The following SRPK2 variants were observed in gnomAD, a reference collection of about 807,000 sequenced individuals.
SRPK2 encodes SFRS protein kinase 2.
In SRPK2, 21 loss-of-function variants were observed where a neutral mutation model predicts 90.8. The ratio of observed to expected loss-of-function variants is 0.23; its 90% CI spans 0.16 to 0.33. SRPK2 has a LOEUF of 0.33. Among genes scored for constraint, SRPK2 ranks in the 10% least tolerant of loss-of-function variants. The pLI is 1.00. For synonymous variants in SRPK2, 288 were observed against 311.1 expected (o/e 0.93, Z 0.78); for missense variants, 620 against 869.0 (o/e 0.71, Z 3.60).
At chr7:105,191,208 G>A (rs12535043) in intron 3 of SRPK2, among the ~76,000 whole-genome samples, 4 of 151,926 alleles carry the variant, frequency 2.6e-5, no homozygotes, top group African/African-American at 4.8e-5. Flanking sequence ...ATAGCCAAAC[G>A]ATATCCAATG....
At chr7:105,139,589 A>G (rs971825316) in intron 11 of SRPK2, among the ~76,000 whole-genome samples, 3 of 152,222 alleles carry the variant, frequency 2.0e-5, no homozygotes, top group Non-Finnish European at 4.4e-5. Flanking sequence ...AAACAATAGG[A>G]TAAGTCTTAT....
chr7:105,234,123 CCTTT>C (rs1303992416), intron 2 of SRPK2, among the ~76,000 whole-genome samples: 3 of 151,912 alleles, frequency 2.0e-5, no homozygotes, highest in Non-Finnish European at 4.4e-5. Flanking sequence ...ATTAAGAACA[CCTTT>C]GCTGCACCAG....
At chr7:105,299,391 C>T (rs1486609062) in intron 2 of SRPK2, among the ~76,000 whole-genome samples, 1 of 152,176 alleles carries the variant, frequency 6.6e-6, no homozygotes, top group Non-Finnish European at 1.5e-5. Flanking sequence ...TTTATCTTCT[C>T]ATTTTTTAAG....
chr7:105,122,935 A>C (rs1800617603), intron 15 of SRPK2, among the ~76,000 whole-genome samples: 3 of 151,840 alleles, frequency 2.0e-5, no homozygotes, highest in Non-Finnish European at 4.4e-5. Flanking sequence ...CCACGCAGCA[A>C]TTTTTACTAA....
chr7:105,206,028 T>C (rs1399951310), intron 2 of SRPK2: 3 of 518,388 alleles, frequency 5.8e-6, no homozygotes, highest in Non-Finnish European at 1.2e-5. Context: ...ACTACTGTAC[T>C]TAGCACAATG....
chr7:105,224,127 C>T (rs778205653), intron 2 of SRPK2, among the ~76,000 whole-genome samples: 26 of 152,068 alleles, frequency 1.7e-4, no homozygotes, highest in Non-Finnish European at 2.6e-4. Context: ...GATTTTTAAA[C>T]GACATCTGTA....
chr7:105,270,556 C>T lies in SRPK2; in HGVS notation c.72-66771G>A, dbSNP rs544239445. ...CCGGGTAGCTGGGATTACAGGCGCC[C>T]GCCACCATACCCAGCTAATTTTTTG... On this transcript the variant is annotated intron_variant, in intron 2 of 15. Coordinates refer to ENST00000393651, the MANE Select transcript of SRPK2 (RefSeq NM_182692.3). Among the ~76,000 whole-genome samples the T allele has an allele frequency of 1.4e-4, 21 of 152,086 alleles. No individual in the cohort carries two copies. The South Asian group carries it at 3.9e-3, about 29-fold the overall frequency.
chr7:105,366,951 A>G (rs1258984687), intron 2 of SRPK2, among the ~76,000 whole-genome samples: 2 of 152,194 alleles, frequency 1.3e-5, no homozygotes, highest in African/African-American at 2.4e-5. Flanking sequence ...TCCTGGGAGC[A>G]CTTCCAGTAT....
At chr7:105,350,468 T>C (rs1585834255) in intron 2 of SRPK2, among the ~76,000 whole-genome samples, 1 of 151,254 alleles carries the variant, frequency 6.6e-6, no homozygotes, top group Non-Finnish European at 1.5e-5. Flanking sequence ...TTATGCTAAA[T>C]ATATCAGCTG....
At chr7:105,296,792 T>G (rs147978567) in intron 2 of SRPK2, among the ~76,000 whole-genome samples, 264 of 152,318 alleles carry the variant, frequency 1.7e-3, no homozygotes, top group African/African-American at 5.8e-3. Flanking sequence ...ACTTATTAGC[T>G]CATTTAATCC....
rs1372414999 is a variant in SRPK2, at chr7:105,244,793, T to C, written c.72-41008A>G. Reference sequence around the variant, plus strand: ...TGTGCGGGACATGATCCCGGAGGCATGTGGCTTCGCCCCGTACAAGCAGCA... The same window carrying C: ...TGTGCGGGACATGATCCCGGAGGCACGTGGCTTCGCCCCGTACAAGCAGCA... On this transcript the variant is annotated intron_variant, in intron 2 of 15. Transcript: ENST00000393651. 6.2e-6 allele frequency: 6 copies of C among 971,952 alleles called. No homozygotes were observed. The East Asian group carries it at 1.2e-4, about 19-fold the overall frequency. 60.2% of individuals were successfully genotyped at this position (971,952 alleles called of 1,614,324 possible).
chr7:105,213,853 T>C (rs569871225), intron 2 of SRPK2, among the ~76,000 whole-genome samples: 5 of 152,180 alleles, frequency 3.3e-5, no homozygotes, highest in Middle Eastern at 3.2e-3. Context: ...TAATGTAAGA[T>C]GTACCACTTT....
intron 3 of SRPK2, among the ~76,000 whole-genome samples, chr7:105,195,867 T>G (rs1318358171): frequency 2.6e-5 from 4 of 152,242 alleles, no homozygotes; most frequent in African/African-American, 9.6e-5. Flanking sequence ...ATTGTTCTAC[T>G]GGGGTGCCAG....
At chr7:105,366,987 T>C (rs141427923) in intron 2 of SRPK2, among the ~76,000 whole-genome samples, 45 of 152,318 alleles carry the variant, frequency 3.0e-4, no homozygotes, top group African/African-American at 1.0e-3. Flanking sequence ...GTGAGTCCCA[T>C]GGTGTTATTC....
At position 105,126,393 on chromosome 7, in the gene SRPK2, T is replaced by C. The variant is rs1801214210; in HGVS notation, c.1823-53A>G. On this transcript the variant is annotated intron_variant, in intron 14 of 15. Coordinates refer to ENST00000393651, the MANE Select transcript of SRPK2 (RefSeq NM_182692.3). ...GGAATGGGAGGGGCAAAGGGAAGGA[T>C]GGGATAAAAGAAGAGGGAAAAATTG... The C allele has an allele frequency of 6.0e-6, 8 of 1,342,032 alleles. No homozygotes were observed. In the South Asian group the frequency reaches 7.2e-5, roughly 12 times the overall value. 83.1% of individuals were successfully genotyped at this position (1,342,032 alleles called of 1,614,324 possible).
intron 3 of SRPK2, among the ~76,000 whole-genome samples, chr7:105,195,785 C>T (rs1794841016): frequency 6.6e-6 from 1 of 152,096 alleles, no homozygotes; most frequent in Admixed American, 6.5e-5. Flanking sequence ...TTATTATTAA[C>T]GAACCACACT....
At chr7:105,388,929 C>T (rs1157631808), upstream of SRPK2, 6 of 1,194,412 alleles carry the variant, frequency 5.0e-6, no homozygotes, top group Non-Finnish European at 5.2e-6. Flanking sequence ...CCTGCGCCGC[C>T]GCCGCCGCCG....
At chr7:105,206,955 C>T (rs554346077) in intron 2 of SRPK2, among the ~76,000 whole-genome samples, 37 of 152,160 alleles carry the variant, frequency 2.4e-4, no homozygotes, top group Non-Finnish European at 4.7e-4. Context: ...CTACTTCATA[C>T]TAATTATCAC....
chr7:105,143,396 A>G (rs1462073794), intron 9 of SRPK2, 66 bp from the exon 10 acceptor site: 22 of 1,551,704 alleles, frequency 1.4e-5, no homozygotes, highest in Non-Finnish European at 1.7e-5. Context: ...TATAACGACT[A>G]GCAGCATGGC....
Sources: gnomAD v4.1 joint callset for allele counts (sites outside exome capture counted in the v4.1 genomes callset) on GRCh38, gnomAD v4.1.1 for gene constraint, MANE v1.5 for transcripts, NCBI Gene and HGNC (gene_info 2026-07-23, HGNC 2026-07-21) for gene names.